The following RALGAPB variants were observed in gnomAD, a reference collection of about 807,000 sequenced individuals.
RALGAPB encodes the protein Ral GTPase activating protein non-catalytic subunit beta, also known as ral GTPase-activating protein subunit beta.
RALGAPB carries 25 observed loss-of-function variants against 161.1 expected under a neutral mutation model. The ratio of observed to expected loss-of-function variants is 0.16; its 90% CI spans 0.11 to 0.22. RALGAPB has a LOEUF of 0.22. Among genes scored for constraint, RALGAPB ranks in the 10% least tolerant of loss-of-function variants. The probability of loss-of-function intolerance (pLI) is 1.00; values close to 1 mark genes in which losing one functional copy is unlikely to be tolerated. For synonymous variants in RALGAPB, 629 were observed against 626.1 expected (o/e 1.00, Z -0.07); for missense variants, 1,391 against 1,815.2 (o/e 0.77, Z 4.25).
chr20:38,475,879 A>G (rs1842202918), intron 1 of RALGAPB, among the ~76,000 whole-genome samples: 1 of 152,166 alleles, frequency 6.6e-6, no homozygotes, highest in Admixed American at 6.5e-5. Flanking sequence ...GTCCTCCCAA[A>G]GTGCTGGGAT....
chr20:38,557,716 A>C (rs1296178105), intron 22 of RALGAPB, among the ~76,000 whole-genome samples: 1 of 152,038 alleles, frequency 6.6e-6, no homozygotes, highest in Non-Finnish European at 1.5e-5. Context: ...TTGGTGGTTT[A>C]TTTCTTTTTA....
chr20:38,551,244 T>C (rs749385925), intron 21 of RALGAPB, 21 bp downstream of exon 21: 1 of 1,609,360 alleles, frequency 6.2e-7, no homozygotes, highest in East Asian at 2.2e-5. Flanking sequence ...TATTTTTAGC[T>C]GTTGTCAAGG....
At chr20:38,505,509 C>T (rs1016085957) in intron 5 of RALGAPB, among the ~76,000 whole-genome samples, 1 of 151,970 alleles carries the variant, frequency 6.6e-6, no homozygotes, top group African/African-American at 2.4e-5. Flanking sequence ...TGCAGTATAC[C>T]CAGATAACCT....
intron 18 of RALGAPB, 96 bp from the exon 19 acceptor site, chr20:38,546,147 T>C: frequency 6.4e-7 from 1 of 1,574,716 alleles, no homozygotes; most frequent in Non-Finnish European, 8.6e-7. Flanking sequence ...TGTGGTCAAT[T>C]AAAATTCAGA....
intron 20 of RALGAPB, among the ~76,000 whole-genome samples, chr20:38,549,079 A>G (rs957364045): frequency 6.6e-6 from 1 of 152,154 alleles, no homozygotes; most frequent in Admixed American, 6.6e-5. Context: ...AGTTTTTTCC[A>G]TGTAATTTTA....
chr20:38,473,949 T>C (rs983994607), intron 1 of RALGAPB, among the ~76,000 whole-genome samples: 1 of 152,206 alleles, frequency 6.6e-6, no homozygotes, highest in Admixed American at 6.5e-5. Flanking sequence ...CCAGCTTAAG[T>C]GTGCAGGAGA....
At chr20:38,510,196 T>TG (rs1600895310) in intron 6 of RALGAPB, among the ~76,000 whole-genome samples, 1 of 151,566 alleles carries the variant, frequency 6.6e-6, no homozygotes, top group African/African-American at 2.4e-5. Context: ...TTTGCAGAGA[T>TG]GGGGTCTTCC....
At position 38,549,545 on chromosome 20, in the gene RALGAPB, A is replaced by AT. The variant is rs1338350565; in HGVS notation, c.3009+750_3009+751insT. Among the ~76,000 whole-genome samples the AT allele has an allele frequency of 8.4e-3, 1,020 of 121,816 alleles. 11 individuals carry two copies. Among genetic ancestry groups the AT allele is most frequent in the African/African-American group, 0.025 (875 of 35,168 alleles). 79.9% of individuals were successfully genotyped at this position (121,816 alleles called of 152,430 possible). On this transcript the variant is annotated intron_variant, in intron 20 of 29. Coordinates refer to ENST00000262879, the MANE Select transcript of RALGAPB (RefSeq NM_020336.4). ...CACCCAGCCTAATTAAAAAAAAAAAAAAAAATATATATATATATACACACA... is the reference window on the plus strand; with the variant it reads ...CACCCAGCCTAATTAAAAAAAAAAAATAAAAATATATATATATATACACACA...
intron 26 of RALGAPB, among the ~76,000 whole-genome samples, chr20:38,567,941 C>T (rs2088070617): frequency 6.6e-6 from 1 of 152,100 alleles, no homozygotes; most frequent in South Asian, 2.1e-4. Flanking sequence ...GAAAAAAATG[C>T]CAGGTGGTGT....
intron 5 of RALGAPB, among the ~76,000 whole-genome samples, chr20:38,501,092 A>G (rs2085580801): frequency 6.6e-6 from 1 of 152,214 alleles, no homozygotes; most frequent in African/African-American, 2.4e-5. Flanking sequence ...TGATCTAGCT[A>G]AGATCATTGA....
At chr20:38,541,963 A>G (rs2086984285) in intron 18 of RALGAPB, among the ~76,000 whole-genome samples, 1 of 152,200 alleles carries the variant, frequency 6.6e-6, no homozygotes, top group Non-Finnish European at 1.5e-5. Flanking sequence ...GTAAAGTGGT[A>G]AAGACAGGGA....
chr20:38,574,094 G>A, intron 28 of RALGAPB, 56 bp from the exon 29 acceptor site: 1 of 1,507,082 alleles, frequency 6.6e-7, no homozygotes, highest in South Asian at 1.3e-5. Flanking sequence ...CAACTCTTGG[G>A]TGTCTCGGGG....
At chr20:38,561,442 T>C (rs2087782970) in intron 23 of RALGAPB, among the ~76,000 whole-genome samples, 1 of 152,238 alleles carries the variant, frequency 6.6e-6, no homozygotes, top group African/African-American at 2.4e-5. Context: ...CAGGCCTCTG[T>C]ATGATCTTGG....
At chr20:38,475,468 C>T (rs926399697) in intron 1 of RALGAPB, among the ~76,000 whole-genome samples, 1 of 152,010 alleles carries the variant, frequency 6.6e-6, no homozygotes, top group Non-Finnish European at 1.5e-5. Context: ...GTCTTAAAAC[C>T]ATGTAAGGAT....
chr20:38,481,796 G>A (rs2084978731), intron 1 of RALGAPB, among the ~76,000 whole-genome samples: 1 of 152,204 alleles, frequency 6.6e-6, no homozygotes, highest in Non-Finnish European at 1.5e-5. Context: ...GTTAATAGCT[G>A]TTTATTGAAT....
At chr20:38,572,990 A>C (rs1410933155) in intron 28 of RALGAPB, among the ~76,000 whole-genome samples, 1 of 152,162 alleles carries the variant, frequency 6.6e-6, no homozygotes, top group East Asian at 1.9e-4. Flanking sequence ...CTTGCTAAAG[A>C]AGAGACTATA....
At position 38,521,608 on chromosome 20, in the gene RALGAPB, A is replaced by T; in HGVS notation, c.1529A>T (p.Glu510Val). Residue 510 changes from glutamate to valine, a missense_variant, in exon 10 of 30, where the codon GAA becomes GTA. By Grantham distance (121) the Glu-to-Val change is moderately radical. Transcript: ENST00000262879. ...FDASEFPDNY[E>V]AGRAEACGTL... ...GCAAGTGAATTTCCTGATAACTATG[A>T]AGCAGGAAGAGCTGAGGCTTGTGGG... is the stretch of plus-strand genomic sequence containing the variant. The T allele has an allele frequency of 1.9e-6, 3 of 1,614,202 alleles. No individual in the cohort carries two copies. The highest frequency in any genetic ancestry group is 2.5e-6 in the Non-Finnish European group (3 of 1,180,024).
At chr20:38,497,054 G>A (rs146999455) in intron 3 of RALGAPB, among the ~76,000 whole-genome samples, 1 of 152,326 alleles carries the variant, frequency 6.6e-6, no homozygotes, top group East Asian at 1.9e-4. Flanking sequence ...CTGCTATTAT[G>A]TGTTAGGCAC....
intron 6 of RALGAPB, 104 bp downstream of exon 6, chr20:38,509,312 C>T: frequency 8.1e-7 from 1 of 1,234,714 alleles, no homozygotes; most frequent in Admixed American, 2.1e-5. Context: ...GGACACTAAG[C>T]CCCATTCATC....
Sources: gnomAD v4.1 joint callset for allele counts (sites outside exome capture counted in the v4.1 genomes callset) on GRCh38, gnomAD v4.1.1 for gene constraint, MANE v1.5 for transcripts, NCBI Gene and HGNC (gene_info 2026-07-23, HGNC 2026-07-21) for gene names.